Variants in MAP4K3 observed in about 807,000 individuals in gnomAD.
MAP4K3 encodes mitogen-activated protein kinase kinase kinase kinase 3, also known as MAPK/ERK kinase kinase kinase 3.
Under a neutral mutation model 143.5 loss-of-function variants are expected in MAP4K3, and 94 were observed. The observed-to-expected ratio is 0.65, with a 90% confidence interval of 0.55 to 0.78. The LOEUF is 0.78. MAP4K3 is among the 30% of genes least tolerant of loss of function. The pLI is 0.00. For synonymous variants in MAP4K3, 416 were observed against 347.2 expected (o/e 1.20, Z -2.20); for missense variants, 1,077 against 1,068.1 (o/e 1.01, Z -0.12).
chr2:39,372,249 A>G (rs987873512), intron 2 of MAP4K3, among the ~76,000 whole-genome samples: 1 of 151,862 alleles, frequency 6.6e-6, no homozygotes, highest in Non-Finnish European at 1.5e-5. Flanking sequence ...GATCTCTACA[A>G]TGAAAACATA....
At chr2:39,296,547 C>T (rs980223741) in intron 16 of MAP4K3, among the ~76,000 whole-genome samples, 1 of 152,112 alleles carries the variant, frequency 6.6e-6, no homozygotes, top group African/African-American at 2.4e-5. Flanking sequence ...AATGTACAAA[C>T]AGATATGGCA....
intron 3 of MAP4K3, among the ~76,000 whole-genome samples, chr2:39,350,832 A>G (rs954382191): frequency 1.3e-4 from 20 of 152,116 alleles, no homozygotes; most frequent in Non-Finnish European, 2.6e-4. Flanking sequence ...ATTTTTGCCC[A>G]TATCTCCACA....
chr2:39,422,047 A>G (rs377530774), intron 1 of MAP4K3, among the ~76,000 whole-genome samples: 59 of 151,296 alleles, frequency 3.9e-4, no homozygotes, highest in African/African-American at 1.3e-3. Flanking sequence ...GTCTGCCACC[A>G]ACTTGAGAAG....
intron 12 of MAP4K3, among the ~76,000 whole-genome samples, chr2:39,320,889 T>G (rs770983680): frequency 1.6e-4 from 24 of 152,158 alleles, no homozygotes; most frequent in Non-Finnish European, 2.8e-4. Flanking sequence ...TCATAAACAT[T>G]ATGCTCTAAG....
At chr2:39,293,369 T>A (rs1194861474) in intron 16 of MAP4K3, 101 bp from the exon 17 acceptor site, 2 of 788,692 alleles carry the variant, frequency 2.5e-6, no homozygotes, top group Non-Finnish European at 4.0e-6. Context: ...ATTTTTTGAA[T>A]GATTACTTTT....
intron 13 of MAP4K3, among the ~76,000 whole-genome samples, chr2:39,312,192 G>C (rs774199200): frequency 2.2e-4 from 34 of 152,140 alleles, no homozygotes; most frequent in Non-Finnish European, 4.0e-4. Context: ...CAGATTAACT[G>C]TACTACATTC....
intron 2 of MAP4K3, among the ~76,000 whole-genome samples, chr2:39,359,621 C>A (rs962638691): frequency 2.6e-4 from 39 of 152,388 alleles, no homozygotes; most frequent in African/African-American, 8.2e-4. Context: ...GAGGGCTCCA[C>A]CCTTGCAGCA....
intron 4 of MAP4K3, 81 bp from the exon 5 acceptor site, chr2:39,337,662 C>T: frequency 2.3e-6 from 2 of 879,552 alleles, no homozygotes; most frequent in Non-Finnish European, 3.7e-6. Context: ...CAAGTTTAAG[C>T]AACAGACTTA....
Position 39,286,961 on chromosome 2 carries a change from T to G in MAP4K3, c.1478A>C (p.Asn493Thr). 1 of 1,572,530 alleles carries G rather than the reference T, an allele frequency of 6.4e-7. No homozygotes were observed. The highest frequency in any genetic ancestry group is 8.7e-7 in the Non-Finnish European group (1 of 1,148,094). The change falls in exon 21 of 34, where the codon AAT becomes ACT. Residue 493 changes from asparagine (N) to threonine (T), a missense_variant. Coordinates refer to ENST00000263881, the MANE Select transcript of MAP4K3 (RefSeq NM_003618.4). ...ATTTAACTGGAAGGAGCTCATTCCA[T>G]TTCCTTCAATAAGATATATTCATTG... ...LPPHKPVALG[N>T]GMSSFQLNGE...
At chr2:39,342,747 A>T (rs1444203520) in intron 4 of MAP4K3, among the ~76,000 whole-genome samples, 1 of 152,180 alleles carries the variant, frequency 6.6e-6, no homozygotes, top group Admixed American at 6.5e-5. Context: ...CCCAAATTCT[A>T]TGAAAAAATG....
chr2:39,311,474 C>T (rs896150494), intron 13 of MAP4K3, among the ~76,000 whole-genome samples: 5 of 152,206 alleles, frequency 3.3e-5, no homozygotes, highest in African/African-American at 1.2e-4. Flanking sequence ...GTGACTCCTG[C>T]CTCTTGGTAT....
intron 2 of MAP4K3, among the ~76,000 whole-genome samples, chr2:39,377,405 G>C (rs571228734): frequency 6.6e-6 from 1 of 152,058 alleles, no homozygotes; most frequent in Admixed American, 6.6e-5. Context: ...TGGTGGGAAG[G>C]AGAAAGAGTG....
chr2:39,355,579 T>C (rs1046608477), intron 3 of MAP4K3, among the ~76,000 whole-genome samples: 1 of 152,130 alleles, frequency 6.6e-6, no homozygotes, highest in Non-Finnish European at 1.5e-5. Context: ...TATTCTCTAA[T>C]CTTCCCTTGG....
intron 3 of MAP4K3, among the ~76,000 whole-genome samples, chr2:39,351,481 G>T (rs982135623): frequency 6.6e-6 from 1 of 151,750 alleles, no homozygotes; most frequent in East Asian, 1.9e-4. Context: ...TACTTCTCCT[G>T]TTAGATTATA....
At chr2:39,360,788 T>G (rs1665746879) in intron 2 of MAP4K3, among the ~76,000 whole-genome samples, 2 of 152,100 alleles carry the variant, frequency 1.3e-5, no homozygotes, top group Admixed American at 1.3e-4. Flanking sequence ...TCAGATCTCA[T>G]GAGAACTCAC....
chr2:39,380,261 C>T (rs1666324594), intron 1 of MAP4K3, among the ~76,000 whole-genome samples: 1 of 152,032 alleles, frequency 6.6e-6, no homozygotes, highest in Admixed American at 6.5e-5. Context: ...CCTTAAGAAA[C>T]TTCACTTCTA....
intron 16 of MAP4K3, among the ~76,000 whole-genome samples, 155 bp from the exon 17 acceptor site, chr2:39,293,423 T>C (rs899371503): frequency 7.9e-5 from 12 of 152,222 alleles, no homozygotes; most frequent in African/African-American, 2.4e-4. Context: ...TCTGCAACCA[T>C]AAAACATCAA....
At chr2:39,376,545 G>C (rs186830951) in intron 2 of MAP4K3, among the ~76,000 whole-genome samples, 40 of 152,240 alleles carry the variant, frequency 2.6e-4, no homozygotes, top group Admixed American at 1.0e-3. Flanking sequence ...GAAATTTTAA[G>C]ATGTACAGAA....
chr2:39,277,500 G>C (rs776841547), intron 24 of MAP4K3, among the ~76,000 whole-genome samples: 21 of 152,104 alleles, frequency 1.4e-4, no homozygotes, highest in Non-Finnish European at 2.8e-4. Context: ...TAGATCATGA[G>C]CTTCTCAAGG....
Sources: gnomAD v4.1 joint callset for allele counts (sites outside exome capture counted in the v4.1 genomes callset) on GRCh38, gnomAD v4.1.1 for gene constraint, MANE v1.5 for transcripts, NCBI Gene and HGNC (gene_info 2026-07-23, HGNC 2026-07-21) for gene names.